Variants in TTC7B observed in about 807,000 individuals in gnomAD.
TTC7B encodes the protein tetratricopeptide repeat protein 7B.
Under a neutral mutation model 106.8 loss-of-function variants are expected in TTC7B, and 28 were observed. That is an observed-to-expected ratio of 0.26 (90% CI 0.19 to 0.36). TTC7B has a LOEUF of 0.36. Among genes scored for constraint, TTC7B ranks in the 10% least tolerant of loss-of-function variants. The pLI is 1.00. For synonymous variants in TTC7B, 405 were observed against 430.6 expected (o/e 0.94, Z 0.74); for missense variants, 862 against 1,076.4 (o/e 0.80, Z 2.79).
At chr14:90,745,795 C>T (rs1282702725) in intron 3 of TTC7B, among the ~76,000 whole-genome samples, 1 of 151,444 alleles carries the variant, frequency 6.6e-6, no homozygotes, top group Non-Finnish European at 1.5e-5. Flanking sequence ...ATGTCCACCT[C>T]CTGAGTTCAA....
chr14:90,711,218 G>T (rs1471351651), intron 5 of TTC7B, among the ~76,000 whole-genome samples: 1 of 152,068 alleles, frequency 6.6e-6, no homozygotes, highest in Non-Finnish European at 1.5e-5. Context: ...TATAAATATT[G>T]TTTTATCTTT....
chr14:90,562,000 C>T (rs985146737), intron 19 of TTC7B, among the ~76,000 whole-genome samples: 12 of 152,196 alleles, frequency 7.9e-5, no homozygotes, highest in Non-Finnish European at 1.6e-4. Context: ...TGTCCTAGGC[C>T]CTTTCTCTTT....
At chr14:90,633,559 A>G (rs1328965360) in intron 15 of TTC7B, among the ~76,000 whole-genome samples, 1 of 152,140 alleles carries the variant, frequency 6.6e-6, no homozygotes, top group African/African-American at 2.4e-5. Context: ...TTAACCTGAT[A>G]TTTTTTTCTA....
At chr14:90,814,200 T>C (rs1221655014) in intron 1 of TTC7B, among the ~76,000 whole-genome samples, 4 of 152,012 alleles carry the variant, frequency 2.6e-5, no homozygotes, top group Non-Finnish European at 5.9e-5. Flanking sequence ...TCTTAGGACA[T>C]TGGGAGCAGC....
chr14:90,677,771 TTG>T, intron 8 of TTC7B: 1 of 449,824 alleles, frequency 2.2e-6, no homozygotes, highest in Non-Finnish European at 4.4e-6. Flanking sequence ...TGCATTTTCT[TTG>T]TGTGTGAGTC....
chr14:90,764,340 G>A (rs906710734), intron 3 of TTC7B, among the ~76,000 whole-genome samples: 7 of 151,808 alleles, frequency 4.6e-5, no homozygotes, highest in Admixed American at 4.6e-4. Flanking sequence ...AAATTTAAGA[G>A]TAAAAACTAT....
In TTC7B at chr14:90,540,682, C is replaced by T. The variant is rs1889543980; in HGVS notation, c.*686G>A. On this transcript the variant is annotated 3_prime_UTR_variant, in exon 20 of 20. Transcript: ENST00000328459. ...ATGTCGGTAAATATTCCATTTGAAG[C>T]TTCTTTGTACATATTTCCCTCGATA... The T allele has an allele frequency of 6.5e-6, 1 of 153,752 alleles. No homozygotes were observed. The allele number at this position is 153,752 out of a possible 1,614,324, so 9.5% of individuals were successfully genotyped here.
intron 18 of TTC7B, among the ~76,000 whole-genome samples, chr14:90,581,739 TA>T (rs1376746728): frequency 6.6e-6 from 1 of 152,166 alleles, no homozygotes; most frequent in African/African-American, 2.4e-5. Flanking sequence ...GAGAAAGCCA[TA>T]AATGCCAATA....
chr14:90,806,012 C>T (rs1238394430), intron 1 of TTC7B, among the ~76,000 whole-genome samples: 1 of 152,260 alleles, frequency 6.6e-6, no homozygotes, highest in Non-Finnish European at 1.5e-5. Context: ...AGAGTTTCTT[C>T]TCTGTTCCTG....
intron 3 of TTC7B, among the ~76,000 whole-genome samples, chr14:90,747,453 A>G (rs1056187103): frequency 3.3e-5 from 5 of 152,206 alleles, no homozygotes; most frequent in South Asian, 2.1e-4. Flanking sequence ...TCTTTCCAGT[A>G]TATCAATGCC....
At chr14:90,594,040 C>G (rs913114674) in intron 17 of TTC7B, 1 of 155,200 alleles carries the variant, frequency 6.4e-6, no homozygotes, top group African/African-American at 2.4e-5. Context: ...CCTGGGGTAG[C>G]ATTTGGAGTA....
chr14:90,717,387 G>A (rs1041834945), intron 5 of TTC7B, among the ~76,000 whole-genome samples: 1 of 151,700 alleles, frequency 6.6e-6, no homozygotes, highest in African/African-American at 2.4e-5. Context: ...TCTAAACCCT[G>A]TAATTTAATG....
chr14:90,796,815 C>T (rs11629240), intron 1 of TTC7B, among the ~76,000 whole-genome samples: 20,556 of 151,808 alleles, frequency 0.14, 1,661 homozygotes, highest in Non-Finnish European at 0.18. Context: ...CCTTTGTTGC[C>T]CCAAAACACA....
At position 90,620,228 on chromosome 14, in the gene TTC7B, G is replaced by T. The variant is rs117259702; in HGVS notation, c.1752-2183C>A. Among the ~76,000 whole-genome samples, 134 of 152,156 alleles carry T rather than the reference G, an allele frequency of 8.8e-4. 2 individuals carry two copies. The East Asian group carries it at 0.021, about 23-fold the overall frequency. Reference sequence around the variant, plus strand: ...TGTAGTCTCTGATCTACAAGCAGATGAGCATAAAGAGCGAGGCTAGATGTG... The same window carrying T: ...TGTAGTCTCTGATCTACAAGCAGATTAGCATAAAGAGCGAGGCTAGATGTG... On this transcript the variant is annotated intron_variant, in intron 15 of 19. Coordinates refer to ENST00000328459, the MANE Select transcript of TTC7B (RefSeq NM_001010854.2).
At chr14:90,682,665 T>C (rs1455126228) in intron 7 of TTC7B, among the ~76,000 whole-genome samples, 1 of 150,316 alleles carries the variant, frequency 6.7e-6, no homozygotes, top group Admixed American at 6.6e-5. Context: ...CCTTGAAGAG[T>C]GGGAAAACTG....
At chr14:90,781,804 C>T (rs186733470) in intron 2 of TTC7B, among the ~76,000 whole-genome samples, 98 of 152,282 alleles carry the variant, frequency 6.4e-4, no homozygotes, top group African/African-American at 2.3e-3. Flanking sequence ...TCTCTGTGGG[C>T]CCCCCTTCCT....
chr14:90,626,684 C>G (rs1283146137), intron 15 of TTC7B, among the ~76,000 whole-genome samples: 1 of 152,184 alleles, frequency 6.6e-6, no homozygotes, highest in African/African-American at 2.4e-5. Context: ...CACAACCCTG[C>G]TAGCAGATGC....
intron 19 of TTC7B, among the ~76,000 whole-genome samples, chr14:90,562,622 G>A (rs1006094129): frequency 3.9e-5 from 6 of 152,276 alleles, no homozygotes; most frequent in African/African-American, 1.2e-4. Flanking sequence ...ATCTGTTGGA[G>A]GCAAAGGCTA....
At chr14:90,623,634 T>C (rs961719886) in intron 15 of TTC7B, among the ~76,000 whole-genome samples, 1 of 152,260 alleles carries the variant, frequency 6.6e-6, no homozygotes, top group Non-Finnish European at 1.5e-5. Flanking sequence ...GGCCAGATGA[T>C]GGCCCTGAAA....
Sources: allele counts gnomAD v4.1 joint callset (sites outside exome capture counted in the v4.1 genomes callset), GRCh38; gene constraint gnomAD v4.1.1; transcripts MANE v1.5; gene names NCBI Gene and HGNC (gene_info 2026-07-23, HGNC 2026-07-21).